The following OR6N1 variants were observed in gnomAD, a reference collection of about 807,000 sequenced individuals.
The protein encoded by OR6N1 is olfactory receptor 6N1.
For synonymous variants in OR6N1, 170 were observed against 150.7 expected, an observed-to-expected ratio of 1.13 and a Z score of -0.94; for missense variants, 394 against 371.7, an observed-to-expected ratio of 1.06 and a Z score of -0.49.
At chr1:158,833,416 A>G in the OR6N1 span, among the ~76,000 whole-genome samples, 6 of 152,200 alleles carry the variant, frequency 3.9e-5, no homozygotes, top group African/African-American at 1.4e-4. Flanking sequence ...TTGTTGTGCA[A>G]CCAACCTCCA....
chr1:158,778,846 C>T, the OR6N1 span, among the ~76,000 whole-genome samples: 1 of 151,418 alleles, frequency 6.6e-6, no homozygotes, highest in Non-Finnish European at 1.5e-5. Context: ...AACCCCGTCT[C>T]TACTAAAAAT....
chr1:158,829,602 T>G, the OR6N1 span, among the ~76,000 whole-genome samples: 1 of 152,206 alleles, frequency 6.6e-6, no homozygotes, highest in Non-Finnish European at 1.5e-5. Context: ...GTTCCAAACA[T>G]TCCCACATTT....
the OR6N1 span, chr1:158,796,257 G>A: frequency 6.6e-6 from 1 of 152,214 alleles, no homozygotes; most frequent in Non-Finnish European, 1.5e-5. Context: ...TGGGCAACCT[G>A]GAGGGGTCTT....
At chr1:158,809,662 C>T in the OR6N1 span, among the ~76,000 whole-genome samples, 4 of 152,072 alleles carry the variant, frequency 2.6e-5, no homozygotes, top group Non-Finnish European at 5.9e-5. Flanking sequence ...TACTGCTAGC[C>T]CTCTGTACTT....
chr1:158,777,069 G>A, upstream of OR6N1: 3 of 1,614,120 alleles, frequency 1.9e-6, no homozygotes, highest in Admixed American at 3.3e-5. Context: ...ATGTGTCCTT[G>A]CAGGCCAAGC....
chr1:158,820,317 G>A, the OR6N1 span, among the ~76,000 whole-genome samples: 3 of 152,178 alleles, frequency 2.0e-5, no homozygotes, highest in Non-Finnish European at 2.9e-5. Flanking sequence ...CAGTTTGGGG[G>A]CCAGTTTATG....
the OR6N1 span, among the ~76,000 whole-genome samples, chr1:158,796,720 T>G: frequency 1.3e-5 from 2 of 152,210 alleles, no homozygotes; most frequent in Non-Finnish European, 2.9e-5. Context: ...TAGTGTTGGT[T>G]ACTGGTTCCT....
chr1:158,827,815 A>G, the OR6N1 span, among the ~76,000 whole-genome samples: 1 of 152,236 alleles, frequency 6.6e-6, no homozygotes. Context: ...GTATTAGTCC[A>G]TCTTCATCCT....
rs199985654 is a variant in OR6N1 at position 158,765,794 on chromosome 1, T to G, written c.889A>C (p.Ile297Leu). Residue 297 changes from isoleucine to leucine, a missense_variant, in exon 2 of 2, where the codon ATC (isoleucine) becomes CTC (leucine). Ile to Leu is a conservative substitution (Grantham distance 5, BLOSUM62 2). Coordinates refer to ENST00000641846, the MANE Select transcript of OR6N1 (RefSeq NM_001005185.2). ...AGCTGCCTCCTCACAGCCTCCTTGA[T>G]CTCCTTGTTGCGCAAGCTGTAGATG... ...PFIYSLRNKE[I>L]KEAVRRQLKR... is the part of the protein sequence containing the mutation. 2 of 1,614,176 alleles carry G rather than the reference T, an allele frequency of 1.2e-6. No homozygotes were observed. The highest frequency in any genetic ancestry group is 1.7e-6 in the Non-Finnish European group (2 of 1,180,008).
chr1:158,785,699 T>C, the OR6N1 span, among the ~76,000 whole-genome samples: 1,415 of 152,270 alleles, frequency 9.3e-3, 24 homozygotes, highest in African/African-American at 0.033. Flanking sequence ...TTCAGACTCA[T>C]CAGTGGGGAG....
chr1:158,791,118 C>T, the OR6N1 span, among the ~76,000 whole-genome samples: 8 of 152,306 alleles, frequency 5.3e-5, no homozygotes, highest in South Asian at 1.7e-3. Context: ...ATGAAACCAA[C>T]TTGATCATGT....
the OR6N1 span, among the ~76,000 whole-genome samples, chr1:158,820,758 A>G: frequency 3.3e-5 from 5 of 152,212 alleles, no homozygotes; most frequent in Admixed American, 6.5e-5. Flanking sequence ...CCACTTCTGA[A>G]ACTTCCCTAG....
At chr1:158,778,659 A>C in the OR6N1 span, among the ~76,000 whole-genome samples, 1 of 152,136 alleles carries the variant, frequency 6.6e-6, no homozygotes, top group African/African-American at 2.4e-5. Flanking sequence ...GAAGGTGTGA[A>C]TTTGCCTTGT....
chr1:158,813,783 A>G, the OR6N1 span, among the ~76,000 whole-genome samples: 2 of 146,952 alleles, frequency 1.4e-5, no homozygotes, highest in South Asian at 4.3e-4. Context: ...GCTCCCTGCA[A>G]CCTCTTGCTC....
chr1:158,819,207 G>T, the OR6N1 span, among the ~76,000 whole-genome samples: 47,344 of 152,034 alleles, frequency 0.31, 7,702 homozygotes, highest in Non-Finnish European at 0.36. Context: ...CTCAATTAAT[G>T]CTAATTGGGA....
the OR6N1 span, among the ~76,000 whole-genome samples, chr1:158,818,648 C>G: frequency 6.6e-6 from 1 of 152,248 alleles, no homozygotes; most frequent in Middle Eastern, 3.4e-3. Flanking sequence ...TACCTCTGCT[C>G]AGAGGCCCAA....
the OR6N1 span, among the ~76,000 whole-genome samples, chr1:158,807,116 T>A: frequency 6.6e-6 from 1 of 151,110 alleles, no homozygotes; most frequent in African/African-American, 2.4e-5. Context: ...ACAGAGAGAA[T>A]GAGGCTGAGG....
chr1:158,770,467 C>CT (rs1292540137), intron 1 of OR6N1, among the ~76,000 whole-genome samples: 5 of 152,058 alleles, frequency 3.3e-5, no homozygotes, highest in African/African-American at 9.7e-5. Context: ...ATGATTTTCC[C>CT]TTTTTAAAAA....
chr1:158,836,929 T>G, the OR6N1 span, among the ~76,000 whole-genome samples: 4 of 151,890 alleles, frequency 2.6e-5, no homozygotes, highest in Non-Finnish European at 5.9e-5. Context: ...TCTCTAAATA[T>G]GGATTTAAAT....
Sources: gnomAD v4.1 joint callset for allele counts (sites outside exome capture counted in the v4.1 genomes callset) on GRCh38, gnomAD v4.1.1 for gene constraint, MANE v1.5 for transcripts, NCBI Gene and HGNC (gene_info 2026-07-23, HGNC 2026-07-21) for gene names.